Variants in RBM24 observed in about 807,000 individuals in gnomAD.
RBM24 encodes the protein RNA-binding protein 24.
Under a neutral mutation model 23.6 loss-of-function variants are expected in RBM24, and 5 were observed. The observed-to-expected ratio is 0.21, with a 90% CI of 0.11 to 0.45. RBM24 has a LOEUF of 0.45. Ranked by LOEUF, RBM24 falls within the 20% of genes least tolerant of loss-of-function variation. The pLI is 0.99. For synonymous variants in RBM24, 151 were observed against 129.5 expected (o/e 1.17, Z -1.13); for missense variants, 252 against 314.6 (o/e 0.80, Z 1.51).
chr6:17,293,421 CT>C lies in RBM24; in HGVS notation c.*1304del, dbSNP rs1211309309. The C allele has an allele frequency of 6.6e-6, 1 of 152,450 alleles. No individual in the cohort carries two copies. Among genetic ancestry groups the C allele is most frequent in the Non-Finnish European group, 1.5e-5 (1 of 67,976 alleles). 9.4% of individuals were successfully genotyped at this position (152,450 alleles called of 1,614,324 possible). A position where few individuals can be genotyped will look rare whatever the true frequency, so the allele number is the denominator to read the frequency against. On this transcript the variant is annotated 3_prime_UTR_variant, in exon 4 of 4. Coordinates refer to ENST00000379052, the MANE Select transcript of RBM24 (RefSeq NM_001143942.2). ...TATGTGCACTGTATAAGAGAGTACT[CT>C]TACATTAACACATTTTAGTTTAGTT... is the stretch of plus-strand genomic sequence containing the variant.
In RBM24 at chr6:17,292,585, T is replaced by G. The variant is rs1194323485; in HGVS notation, c.*466T>G. On this transcript the variant is annotated 3_prime_UTR_variant, in exon 4 of 4. Transcript: ENST00000379052. ...AACAAAATGGCGAAAGCACTGATTG[T>G]CATTTTTAGCAGTCACTTAAGGCCT... is the stretch of plus-strand genomic sequence containing the variant. 1.3e-5 allele frequency: 2 copies of G among 153,054 alleles called. No individual in the cohort carries two copies. The highest frequency in any genetic ancestry group is 2.9e-5 in the Non-Finnish European group (2 of 68,352). 9.5% of individuals were successfully genotyped at this position (153,054 alleles called of 1,614,324 possible).
intron 2 of RBM24, among the ~76,000 whole-genome samples, chr6:17,283,869 A>C (rs1365488145): frequency 6.6e-6 from 1 of 152,228 alleles, no homozygotes; most frequent in African/African-American, 2.4e-5. Flanking sequence ...ATTAGTTGCC[A>C]AAAGGGAGCA....
chr6:17,281,370 G>T lies in RBM24; in HGVS notation c.-212G>T. On this transcript the variant is annotated 5_prime_UTR_variant, in exon 1 of 4. In the 5' UTR this introduces an upstream ATG that the reference lacks. Transcript: ENST00000379052. This position sits in a 1 kb window ranked among gnomAD's most constrained non-coding sequence, Gnocchi z 7.1. ...AGGAGAGAGCGAAGTCAAGTCTCCAGGGCCGCTGGCGACTTCGGAAGCCGC... is the reference window on the plus strand; with the variant it reads ...AGGAGAGAGCGAAGTCAAGTCTCCATGGCCGCTGGCGACTTCGGAAGCCGC... 6.5e-6 allele frequency: 1 copy of T among 152,992 alleles called. No homozygotes were observed. The highest frequency in any genetic ancestry group is 1.9e-4 in the South Asian group (1 of 5,336). The allele number at this position is 152,992 out of a possible 1,614,324, so 9.5% of individuals were successfully genotyped here.
intron 3 of RBM24, among the ~76,000 whole-genome samples, chr6:17,286,124 C>T (rs988610119): frequency 6.6e-6 from 1 of 151,700 alleles, no homozygotes; most frequent in Admixed American, 6.6e-5. Context: ...AGTTATATTT[C>T]CCATGACCAC....
intron 3 of RBM24, chr6:17,290,789 T>A: frequency 9.3e-7 from 1 of 1,080,840 alleles, no homozygotes; most frequent in Non-Finnish European, 1.3e-6. Context: ...TACTTCCCTG[T>A]CCTGCCTTTT....
chr6:17,286,386 A>T (rs1760198300), intron 3 of RBM24, among the ~76,000 whole-genome samples: 2 of 152,116 alleles, frequency 1.3e-5, no homozygotes, highest in Admixed American at 6.6e-5. Flanking sequence ...ATTAGGGAGG[A>T]GAGCATATAT....
Position 17,292,216 on chromosome 6 carries a change from T to TAAAAA in RBM24, c.*97_*98insAAAAA. The stretch of plus-strand genomic sequence containing the variant: ...GAGAGTTAACATTGACTTAACAGCT[T>TAAAAA]TAAAAAAAAAAACAGCCATGCTATT... On this transcript the variant is annotated 3_prime_UTR_variant, in exon 4 of 4. Coordinates refer to ENST00000379052, the MANE Select transcript of RBM24 (RefSeq NM_001143942.2). 1 of 1,180,732 alleles carries TAAAAA rather than the reference T, an allele frequency of 8.5e-7. No homozygotes were observed. Among genetic ancestry groups the TAAAAA allele is most frequent in the South Asian group, 2.1e-5 (1 of 46,682 alleles). The allele number at this position is 1,180,732 out of a possible 1,614,324, so 73.1% of individuals were successfully genotyped here. A position where few individuals can be genotyped will look rare whatever the true frequency, so the allele number is the denominator to read the frequency against.
intron 3 of RBM24, among the ~76,000 whole-genome samples, chr6:17,287,741 G>A (rs1019482486): frequency 6.6e-5 from 10 of 152,110 alleles, no homozygotes; most frequent in African/African-American, 1.4e-4. Context: ...CCCAGAAGGC[G>A]GAGCTTGCAG....
chr6:17,281,418 C>G lies in RBM24; in HGVS notation c.-164C>G. 1 of 271,242 alleles carries G rather than the reference C, an allele frequency of 3.7e-6. No homozygotes were observed. 16.8% of individuals were successfully genotyped at this position (271,242 alleles called of 1,614,324 possible). ...CGCGCGCCCGGCGCTCTCGGCCGCC[C>G]CCGGCCGCTCGCCCCCGCCGCGCCG... On this transcript the variant is annotated 5_prime_UTR_variant, in exon 1 of 4. Transcript: ENST00000379052. The surrounding 1 kb of genome is among the most constrained non-coding windows in gnomAD (Gnocchi z 7.1).
Position 17,292,157 on chromosome 6 carries a change from C to G in RBM24, c.*38C>G. The stretch of plus-strand genomic sequence containing the variant: ...ATCAAAGTTGAATTGTTTTCTCTTT[C>G]CCTCCCAATTTTCCAATTTTTAGTA... On this transcript the variant is annotated 3_prime_UTR_variant, in exon 4 of 4. Coordinates refer to ENST00000379052, the MANE Select transcript of RBM24 (RefSeq NM_001143942.2). 3 of 1,458,186 alleles carry G rather than the reference C, an allele frequency of 2.1e-6. No homozygotes were observed. The highest frequency in any genetic ancestry group is 4.6e-5 in the East Asian group (2 of 43,358). The allele number at this position is 1,458,186 out of a possible 1,614,324, so 90.3% of individuals were successfully genotyped here. A position where few individuals can be genotyped will look rare whatever the true frequency, so the allele number is the denominator to read the frequency against.
chr6:17,293,311 A>G lies in RBM24; in HGVS notation c.*1192A>G, dbSNP rs1273322581. The G allele has an allele frequency of 1.3e-5, 2 of 152,676 alleles. No homozygotes were observed. Among genetic ancestry groups the G allele is most frequent in the African/African-American group, 4.8e-5 (2 of 41,476 alleles). 9.5% of individuals were successfully genotyped at this position (152,676 alleles called of 1,614,324 possible). ...TAAAATTATGTATTCATCTCATGGC[A>G]TAAATTATTTAGTAAGTCTAGATGT... On this transcript the variant is annotated 3_prime_UTR_variant, in exon 4 of 4. Transcript: ENST00000379052.
chr6:17,290,200 T>A (rs1224821429), intron 3 of RBM24: 2 of 792,550 alleles, frequency 2.5e-6, no homozygotes, highest in Admixed American at 5.5e-5. Flanking sequence ...AATCTATGTT[T>A]CTGAAAAATC....
intron 3 of RBM24, chr6:17,288,179 G>T: frequency 3.3e-6 from 3 of 908,064 alleles, no homozygotes; most frequent in Non-Finnish European, 3.9e-6. Context: ...ATCATGGTCT[G>T]CCTGACCTCA....
chr6:17,282,015 G>A (rs1182563958), intron 1 of RBM24: 2 of 1,325,994 alleles, frequency 1.5e-6, no homozygotes, highest in Non-Finnish European at 1.9e-6. Context: ...CTGTAATGAC[G>A]GCGGGATTTG....
chr6:17,282,110 C>T (rs1486557698), intron 1 of RBM24: 1 of 1,219,626 alleles, frequency 8.2e-7, no homozygotes, highest in Non-Finnish European at 1.0e-6. Context: ...CGCGCTGTTG[C>T]TTTGTAAAAA....
chr6:17,282,981 G>A, intron 2 of RBM24, 53 bp downstream of exon 2: 1 of 1,292,438 alleles, frequency 7.7e-7, no homozygotes, highest in East Asian at 2.3e-5. Flanking sequence ...CCCATTTATG[G>A]GTGGGATGAT....
At chr6:17,286,873 T>G (rs529797939) in intron 3 of RBM24, among the ~76,000 whole-genome samples, 2 of 152,236 alleles carry the variant, frequency 1.3e-5, no homozygotes, top group Non-Finnish European at 2.9e-5. Context: ...TTGGACTGAT[T>G]GTGGAAGTCC....
rs963369084 is a variant in RBM24, at chr6:17,292,083, C to T, written c.675C>T (p.Tyr225=). 8 of 1,572,418 alleles carry T rather than the reference C, an allele frequency of 5.1e-6. No homozygotes were observed. The Middle Eastern group carries it at 5.1e-4, about 100-fold the overall frequency. The change falls in exon 4 of 4, where the codon TAC becomes TAT. Residue 225 remains tyrosine, a synonymous_variant. Transcript: ENST00000379052. ...CTGCCGCTGCAGCATTTGGCCAGTA[C>T]CAGCCTCAGCAGCTGCAGACAGACC... ...AAAAAAAFGQ[Y]QPQQLQTDRM... is the part of the protein sequence containing the mutation.
chr6:17,287,264 C>T (rs1760223837), intron 3 of RBM24, among the ~76,000 whole-genome samples: 1 of 152,168 alleles, frequency 6.6e-6, no homozygotes, highest in African/African-American at 2.4e-5. Context: ...TCAAATTTGA[C>T]TTGACTTACT....
Sources: gnomAD v4.1 joint callset for allele counts (sites outside exome capture counted in the v4.1 genomes callset) on GRCh38, gnomAD v4.1.1 for gene constraint, Gnocchi (gnomAD v3.1) non-coding constraint, MANE v1.5 for transcripts, NCBI Gene and HGNC (gene_info 2026-07-23, HGNC 2026-07-21) for gene names.